The following AGBL1 variants were observed in gnomAD, a reference collection of about 807,000 sequenced individuals.
The protein encoded by AGBL1 is cytosolic carboxypeptidase 4.
In AGBL1, 130 loss-of-function variants were observed where a neutral mutation model predicts 118.9. The observed-to-expected ratio is 1.09, with a 90% CI of 0.95 to 1.26. The LOEUF (loss-of-function observed/expected upper bound fraction) is 1.26, where lower values mean the gene tolerates loss of function less well. AGBL1 is among the 50% of genes most tolerant of loss of function. AGBL1 has a pLI of 0.00. For synonymous variants in AGBL1, 555 were observed against 478.9 expected (o/e 1.16, Z -2.08); for missense variants, 1,584 against 1,298.1 (o/e 1.22, Z -3.38).
In AGBL1 at chr15:86,705,998, T is replaced by C. The variant is rs1032366178; in HGVS notation, c.3158+31562T>C. ...AAAAAAACTTTAAAAATAAATAGTT[T>C]TTTAAGTACCAAATGCAATAATTCA... On this transcript the variant is annotated intron_variant, in intron 22 of 22. Transcript: ENST00000614907. Among the ~76,000 whole-genome samples the C allele has an allele frequency of 3.9e-5, 6 of 152,110 alleles. No individual in the cohort carries two copies. In the East Asian group the frequency reaches 1.2e-3, roughly 29 times the overall value.
intron 17 of AGBL1, among the ~76,000 whole-genome samples, chr15:86,371,817 T>A (rs1005560682): frequency 1.4e-4 from 22 of 152,190 alleles, no homozygotes; most frequent in Non-Finnish European, 2.4e-4. Context: ...CTTTCCACCC[T>A]TTGTAATGTG....
chr15:86,901,906 G>T (rs1037748895), intron 22 of AGBL1, among the ~76,000 whole-genome samples: 1 of 151,972 alleles, frequency 6.6e-6, no homozygotes, highest in Non-Finnish European at 1.5e-5. Context: ...GCTGGTTAAT[G>T]TTCAAACAGC....
chr15:87,004,365 C>T (rs1047819172), intron 24 of AGBL1, among the ~76,000 whole-genome samples: 22 of 152,082 alleles, frequency 1.4e-4, no homozygotes, highest in Non-Finnish European at 2.6e-4. Context: ...TATGAATCTG[C>T]GTTCTCCTGT....
chr15:86,759,582 C>G (rs1318825231), intron 22 of AGBL1, among the ~76,000 whole-genome samples: 1 of 152,044 alleles, frequency 6.6e-6, no homozygotes, highest in Non-Finnish European at 1.5e-5. Flanking sequence ...GCTTTCCTCC[C>G]CAAATCACAC....
At chr15:86,557,013 A>C (rs1427479852) in intron 21 of AGBL1, among the ~76,000 whole-genome samples, 1 of 152,208 alleles carries the variant, frequency 6.6e-6, no homozygotes, top group Non-Finnish European at 1.5e-5. Context: ...TATTACCTTA[A>C]AATAATGATT....
rs2080334208 is a variant in AGBL1, at chr15:86,910,383, C to G, written c.*3089C>G. On this transcript the variant is annotated 3_prime_UTR_variant, in exon 23 of 23. Coordinates refer to ENST00000614907, the MANE Select transcript of AGBL1 (RefSeq NM_001386094.1). Reference sequence around the variant, plus strand: ...GAGATGAAATGGAAAAACTAGACAGCAGTCAGATAAAGCTGCATTTGGCAT... The same window carrying G: ...GAGATGAAATGGAAAAACTAGACAGGAGTCAGATAAAGCTGCATTTGGCAT... 2 of 152,178 alleles carry G rather than the reference C, an allele frequency of 1.3e-5. No individual in the cohort carries two copies. Among genetic ancestry groups the G allele is most frequent in the Non-Finnish European group, 2.9e-5 (2 of 68,044 alleles). The allele number at this position is 152,178 out of a possible 1,614,324, so 9.4% of individuals were successfully genotyped here. A position where few individuals can be genotyped will look rare whatever the true frequency, so the allele number is the denominator to read the frequency against.
At chr15:86,800,442 T>C (rs1380605479) in intron 22 of AGBL1, among the ~76,000 whole-genome samples, 1 of 152,134 alleles carries the variant, frequency 6.6e-6, no homozygotes, top group Non-Finnish European at 1.5e-5. Flanking sequence ...GAATTTCCTT[T>C]AAAGAGATTC....
chr15:86,732,967 A>T (rs1206018312), intron 22 of AGBL1, among the ~76,000 whole-genome samples: 3 of 149,422 alleles, frequency 2.0e-5, no homozygotes, highest in African/African-American at 4.9e-5. Flanking sequence ...ACACATATAC[A>T]TATACATACA....
intron 23 of AGBL1, among the ~76,000 whole-genome samples, chr15:86,968,771 C>T (rs2081078796): frequency 6.6e-6 from 1 of 151,822 alleles, no homozygotes; most frequent in South Asian, 2.1e-4. Context: ...GTTTATTGCT[C>T]ACAGTTCTAG....
intron 21 of AGBL1, among the ~76,000 whole-genome samples, chr15:86,612,480 C>T (rs374412234): frequency 2.0e-5 from 3 of 152,164 alleles, no homozygotes; most frequent in African/African-American, 7.2e-5. Flanking sequence ...TCATCACACC[C>T]TCCTCCCTTC....
chr15:86,780,931 G>C (rs147405372), intron 22 of AGBL1, among the ~76,000 whole-genome samples: 1,595 of 152,130 alleles, frequency 0.01, 33 homozygotes, highest in African/African-American at 0.036. Context: ...GCCTCCCAAA[G>C]TGCTAGGATT....
chr15:86,160,343 G>T (rs190557149), intron 5 of AGBL1, among the ~76,000 whole-genome samples: 1 of 152,190 alleles, frequency 6.6e-6, no homozygotes, highest in East Asian at 1.9e-4. Flanking sequence ...ATTTATGTCA[G>T]ATAACAAGAA....
chr15:86,968,659 C>T (rs2081077868), intron 23 of AGBL1, among the ~76,000 whole-genome samples: 1 of 151,894 alleles, frequency 6.6e-6, no homozygotes, highest in Non-Finnish European at 1.5e-5. Flanking sequence ...CAGCCACCTC[C>T]CTTATCCCAC....
intron 22 of AGBL1, among the ~76,000 whole-genome samples, chr15:86,862,798 C>T (rs1015197707): frequency 6.6e-6 from 1 of 152,142 alleles, no homozygotes; most frequent in Non-Finnish European, 1.5e-5. Context: ...TACGTAACAG[C>T]TATTGGTTGT....
intron 21 of AGBL1, among the ~76,000 whole-genome samples, chr15:86,665,160 A>T (rs958770067): frequency 6.6e-6 from 1 of 152,170 alleles, no homozygotes; most frequent in Non-Finnish European, 1.5e-5. Context: ...CATGATGTCA[A>T]TATTTCCACG....
At chr15:86,153,788 A>G (rs2077150292) in intron 3 of AGBL1, among the ~76,000 whole-genome samples, 1 of 152,122 alleles carries the variant, frequency 6.6e-6, no homozygotes, top group South Asian at 2.1e-4. Context: ...GTTCTAACCA[A>G]TGTTAACATT....
At chr15:86,797,055 T>C (rs966884990) in intron 22 of AGBL1, among the ~76,000 whole-genome samples, 1 of 152,232 alleles carries the variant, frequency 6.6e-6, no homozygotes, top group Non-Finnish European at 1.5e-5. Context: ...GAAAAGTCAC[T>C]TAACTACTCT....
chr15:86,267,287 T>C (rs1297633915), intron 13 of AGBL1, among the ~76,000 whole-genome samples: 2 of 151,944 alleles, frequency 1.3e-5, no homozygotes, highest in African/African-American at 4.8e-5. Flanking sequence ...AGTACACCAC[T>C]AAGTGTACTG....
At chr15:86,792,639 CT>C (rs1312942381) in intron 22 of AGBL1, among the ~76,000 whole-genome samples, 5 of 152,006 alleles carry the variant, frequency 3.3e-5, no homozygotes, top group Non-Finnish European at 7.4e-5. Flanking sequence ...TAAAATAATT[CT>C]TTTAAAATTT....
Sources: allele counts gnomAD v4.1 joint callset (sites outside exome capture counted in the v4.1 genomes callset), GRCh38; gene constraint gnomAD v4.1.1; transcripts MANE v1.5; gene names NCBI Gene and HGNC (gene_info 2026-07-23, HGNC 2026-07-21).